TENM2: variants seen among roughly 807,000 people sequenced by gnomAD.
TENM2 encodes the protein teneurin transmembrane protein 2.
Under a neutral mutation model 245.2 loss-of-function variants are expected in TENM2, and 52 were observed. The ratio of observed to expected loss-of-function variants is 0.21; its 90% CI spans 0.17 to 0.27. The LOEUF is 0.27. Ranked by LOEUF, TENM2 falls within the 10% of genes least tolerant of loss-of-function variation. The pLI is 1.00. For missense variants in TENM2, 3,046 were observed against 3,666.8 expected (o/e 0.83, Z 4.37); for synonymous variants, 1,363 against 1,438.9 (o/e 0.95, Z 1.19).
At chr5:168,075,653 A>G (rs2152145247) in intron 7 of TENM2, among the ~76,000 whole-genome samples, 1 of 152,336 alleles carries the variant, frequency 6.6e-6, no homozygotes, top group African/African-American at 2.4e-5. Flanking sequence ...TTTCACTCGC[A>G]GAATGTCAGT....
intron 5 of TENM2, among the ~76,000 whole-genome samples, chr5:168,017,176 T>C (rs1199903637): frequency 6.6e-6 from 1 of 152,164 alleles, no homozygotes; most frequent in African/African-American, 2.4e-5. Context: ...CAATTGATGA[T>C]TGATGTTAGA....
At chr5:168,178,999 G>A (rs1468575722) in intron 13 of TENM2, among the ~76,000 whole-genome samples, 1 of 152,106 alleles carries the variant, frequency 6.6e-6, no homozygotes, top group Non-Finnish European at 1.5e-5. Context: ...GCCAGGCATG[G>A]TGAAGGGTGC....
intron 2 of TENM2, among the ~76,000 whole-genome samples, chr5:167,760,406 C>T (rs1025526014): frequency 1.3e-5 from 2 of 152,214 alleles, no homozygotes; most frequent in African/African-American, 4.8e-5. Context: ...GGAGGAAGTG[C>T]ATGGTGCTCT....
intron 9 of TENM2, among the ~76,000 whole-genome samples, chr5:168,109,838 A>C (rs1459596004): frequency 6.6e-6 from 1 of 152,126 alleles, no homozygotes; most frequent in Non-Finnish European, 1.5e-5. Context: ...GCAGGCATGG[A>C]GGAGCCCTTT....
the TENM2 span, among the ~76,000 whole-genome samples, chr5:167,196,885 G>A: frequency 6.6e-6 from 1 of 151,832 alleles, no homozygotes; most frequent in Non-Finnish European, 1.5e-5. Context: ...AATTTTGGAG[G>A]GGTGGGGGCA....
chr5:167,522,174 T>C (rs1185773853), intron 2 of TENM2, among the ~76,000 whole-genome samples: 1 of 152,174 alleles, frequency 6.6e-6, no homozygotes, highest in Admixed American at 6.6e-5. Flanking sequence ...GACCTTTTTA[T>C]AGTTAAACAT....
the TENM2 span, among the ~76,000 whole-genome samples, chr5:167,171,831 C>T: frequency 4.6e-5 from 7 of 152,094 alleles, no homozygotes; most frequent in Non-Finnish European, 8.8e-5. Context: ...CCACAGGGTG[C>T]GTGAAGCTAT....
the TENM2 span, among the ~76,000 whole-genome samples, chr5:167,103,350 ACTT>A: frequency 6.6e-6 from 1 of 152,156 alleles, no homozygotes; most frequent in East Asian, 1.9e-4. Flanking sequence ...TTCCCAATGG[ACTT>A]AGTATGTAAG....
intron 7 of TENM2, among the ~76,000 whole-genome samples, chr5:168,064,470 G>A (rs898291137): frequency 6.6e-6 from 1 of 152,124 alleles, no homozygotes; most frequent in South Asian, 2.1e-4. Flanking sequence ...CAATGATCAT[G>A]GCAAGTCAAG....
At chr5:168,043,481 G>T (rs1274699610) in intron 5 of TENM2, among the ~76,000 whole-genome samples, 2 of 152,164 alleles carry the variant, frequency 1.3e-5, no homozygotes, top group Non-Finnish European at 2.9e-5. Flanking sequence ...GTTCATAGAA[G>T]CAAATATAGT....
chr5:167,556,222 A>C (rs1773250563), intron 2 of TENM2, among the ~76,000 whole-genome samples: 1 of 152,100 alleles, frequency 6.6e-6, no homozygotes, highest in African/African-American at 2.4e-5. Flanking sequence ...GCAAGTTTCT[A>C]TTTCAGACTG....
At chr5:167,796,769 ATGAAAGTCGCACATCCTT>A (rs780016405) in intron 2 of TENM2, among the ~76,000 whole-genome samples, 55 of 152,164 alleles carry the variant, frequency 3.6e-4, no homozygotes, top group Non-Finnish European at 7.5e-4. Context: ...CAACTAGAAT[ATGAAAGTCGCACATCCTT>A]TGGGAGTTGC....
At chr5:168,117,260 C>G (rs183568006) in intron 9 of TENM2, among the ~76,000 whole-genome samples, 2 of 152,298 alleles carry the variant, frequency 1.3e-5, no homozygotes, top group East Asian at 3.9e-4. Context: ...TGCCTTCAGC[C>G]TGCCTGCTCC....
chr5:168,242,050 T>C (rs910440479), intron 25 of TENM2, among the ~76,000 whole-genome samples: 3 of 151,976 alleles, frequency 2.0e-5, no homozygotes, highest in African/African-American at 7.3e-5. Flanking sequence ...AGTCACAAGG[T>C]AAATGCTGGA....
At chr5:167,303,963 T>C (rs1755512005) in intron 1 of TENM2, among the ~76,000 whole-genome samples, 1 of 152,210 alleles carries the variant, frequency 6.6e-6, no homozygotes, top group African/African-American at 2.4e-5. Flanking sequence ...TTTATTTTTA[T>C]ATAAAATCCC....
Position 168,218,440 on chromosome 5 carries a change from G to T in TENM2, c.4549G>T (p.Ala1517Ser). 1 of 1,614,056 alleles carries T rather than the reference G, an allele frequency of 6.2e-7. No individual in the cohort carries two copies. The highest frequency in any genetic ancestry group is 8.5e-7 in the Non-Finnish European group (1 of 1,179,898). ...GGAGATCTGCCTTTTAGCTGGGGCA[G>T]CCTCGGACTGCGACTGCAAAAACGA... Residue 1517 changes from alanine to serine, a missense_variant, in exon 23 of 29, where the codon GCC becomes TCC. Transcript: ENST00000518659. This position sits in a 1 kb window ranked among gnomAD's most constrained non-coding sequence, Gnocchi z 5.2.
intron 2 of TENM2, among the ~76,000 whole-genome samples, chr5:167,418,314 A>C (rs1581985785): frequency 2.3e-5 from 1 of 42,766 alleles, no homozygotes; most frequent in African/African-American, 6.7e-5. Context: ...AAACTGTCTC[A>C]AAAAAAAAAA....
chr5:167,824,791 A>G (rs1350067470), intron 2 of TENM2, among the ~76,000 whole-genome samples: 1 of 152,240 alleles, frequency 6.6e-6, no homozygotes, highest in Non-Finnish European at 1.5e-5. Context: ...GTTTATGTGA[A>G]CACACCTAAG....
chr5:167,189,767 A>C, the TENM2 span, among the ~76,000 whole-genome samples: 156 of 152,166 alleles, frequency 1.0e-3, no homozygotes, highest in Non-Finnish European at 1.6e-3. Context: ...ATCAAATGAA[A>C]GTACCAAAAT....
Sources: allele counts gnomAD v4.1 joint callset (sites outside exome capture counted in the v4.1 genomes callset), GRCh38; gene constraint gnomAD v4.1.1; non-coding constraint Gnocchi (gnomAD v3.1); transcripts MANE v1.5; gene names NCBI Gene and HGNC (gene_info 2026-07-23, HGNC 2026-07-21).